The following SUGCT variants were observed in gnomAD, a reference collection of about 807,000 sequenced individuals.
SUGCT encodes succinyl-CoA:glutarate-CoA transferase.
A neutral mutation model predicts 55.0 loss-of-function variants in SUGCT; 41 were observed. The observed-to-expected ratio is 0.74, with a 90% CI of 0.58 to 0.97. SUGCT has a LOEUF of 0.97. Among genes scored for constraint, SUGCT ranks in the 50% least tolerant of loss-of-function variants. The pLI is 0.00. For synonymous variants in SUGCT, 187 were observed against 200.4 expected (o/e 0.93, Z 0.56); for missense variants, 568 against 547.8 (o/e 1.04, Z -0.37).
Position 40,859,950 on chromosome 7 carries a change from C to T in SUGCT, c.1154-366C>T, listed in dbSNP as rs1003716197. 7.9e-5 allele frequency among the ~76,000 whole-genome samples: 12 copies of T among 152,298 alleles called. No individual in the cohort carries two copies. The Middle Eastern group carries it at 0.01, about 130-fold the overall frequency. On this transcript the variant is annotated intron_variant, in intron 13 of 13. Transcript: ENST00000335693. Reference sequence around the variant, plus strand: ...GATCAAATTTCCAGCTTCAGAGAGACACTACGTTTCTGTGGTCACTGTTCT... The same window carrying T: ...GATCAAATTTCCAGCTTCAGAGAGATACTACGTTTCTGTGGTCACTGTTCT...
chr7:40,727,042 A>T (rs767440593), intron 12 of SUGCT, among the ~76,000 whole-genome samples: 8 of 152,240 alleles, frequency 5.3e-5, no homozygotes, highest in Non-Finnish European at 1.0e-4. Flanking sequence ...GGGCTGTCAA[A>T]TAATGACTAA....
At chr7:40,967,552 T>C in the SUGCT span, among the ~76,000 whole-genome samples, 2 of 152,176 alleles carry the variant, frequency 1.3e-5, no homozygotes, top group Admixed American at 1.3e-4. Context: ...AGTACTTGTA[T>C]AAATTCTGGC....
chr7:41,000,203 CACAT>C, the SUGCT span, among the ~76,000 whole-genome samples: 156 of 152,238 alleles, frequency 1.0e-3, no homozygotes, highest in African/African-American at 3.7e-3. Flanking sequence ...TATACTTACA[CACAT>C]ACACACACAC....
At chr7:40,613,508 C>T (rs541377286) in intron 12 of SUGCT, among the ~76,000 whole-genome samples, 1 of 152,216 alleles carries the variant, frequency 6.6e-6, no homozygotes, top group Non-Finnish European at 1.5e-5. Context: ...ATTAGTTTTC[C>T]TCATCAGAAT....
At chr7:40,199,947 A>G (rs1786499685) in intron 6 of SUGCT, among the ~76,000 whole-genome samples, 1 of 152,180 alleles carries the variant, frequency 6.6e-6, no homozygotes, top group Non-Finnish European at 1.5e-5. Context: ...CATACAAGGT[A>G]ATGAATAGTA....
At chr7:40,854,413 T>TTCTCTC (rs1251165508) in intron 13 of SUGCT, among the ~76,000 whole-genome samples, 5 of 78,084 alleles carry the variant, frequency 6.4e-5, no homozygotes, top group African/African-American at 2.1e-4. Flanking sequence ...CTTTCTTTCT[T>TTCTCTC]TCTTTCCTTT....
chr7:40,410,216 G>A (rs1156521990), intron 9 of SUGCT, among the ~76,000 whole-genome samples: 1 of 152,068 alleles, frequency 6.6e-6, no homozygotes, highest in Non-Finnish European at 1.5e-5. Context: ...CATGTCTTGA[G>A]CTGCTGTATT....
chr7:41,006,879 T>C, the SUGCT span, among the ~76,000 whole-genome samples: 1,106 of 152,330 alleles, frequency 7.3e-3, 5 homozygotes, highest in Non-Finnish European at 0.011. Flanking sequence ...CATTTATTGA[T>C]TGAATACCTT....
intron 3 of SUGCT, among the ~76,000 whole-genome samples, chr7:40,187,445 A>G (rs944675880): frequency 2.0e-5 from 3 of 152,190 alleles, no homozygotes; most frequent in African/African-American, 7.2e-5. Flanking sequence ...TAATAAAAAA[A>G]AAAAGAATTG....
At position 40,436,678 on chromosome 7, in the gene SUGCT, A is replaced by AAACTCTG. The variant is rs1788194413; in HGVS notation, c.817-12609_817-12608insAACTCTG. ...GGTACAGAACTGTGATTATTGTAAC[A>AAACTCTG]TGTTTGAGATACAACAAAGAGTACT... is the stretch of plus-strand genomic sequence containing the variant. On this transcript the variant is annotated intron_variant, in intron 9 of 13. Coordinates refer to ENST00000335693, the MANE Select transcript of SUGCT (RefSeq NM_001193313.2). Among the ~76,000 whole-genome samples the AAACTCTG allele has an allele frequency of 5.9e-5, 9 of 152,264 alleles. No individual in the cohort carries two copies. The South Asian group carries it at 1.2e-3, about 21-fold the overall frequency.
At chr7:40,963,578 A>G in the SUGCT span, among the ~76,000 whole-genome samples, 3 of 152,228 alleles carry the variant, frequency 2.0e-5, no homozygotes, top group Non-Finnish European at 4.4e-5. Flanking sequence ...GCTCTGTTAA[A>G]TTAAATGGAA....
At chr7:40,601,648 G>A (rs1440360938) in intron 12 of SUGCT, among the ~76,000 whole-genome samples, 1 of 152,030 alleles carries the variant, frequency 6.6e-6, no homozygotes, top group African/African-American at 2.4e-5. Context: ...AGACAAGCTT[G>A]TCCAACATGC....
rs193010884 is a variant in SUGCT at position 40,566,814 on chromosome 7, A to G, written c.1089+70428A>G. Among the ~76,000 whole-genome samples, 17 of 152,348 alleles carry G rather than the reference A, an allele frequency of 1.1e-4. No individual in the cohort carries two copies. In the East Asian group the frequency reaches 3.3e-3, roughly 29 times the overall value. Reference sequence around the variant, plus strand: ...CATGGAAAGCCTATAGCAATCTTAGATGCACATACCTATATTTATATCTAT... The same window carrying G: ...CATGGAAAGCCTATAGCAATCTTAGGTGCACATACCTATATTTATATCTAT... On this transcript the variant is annotated intron_variant, in intron 12 of 13. Coordinates refer to ENST00000335693, the MANE Select transcript of SUGCT (RefSeq NM_001193313.2).
At chr7:40,944,519 A>C in the SUGCT span, among the ~76,000 whole-genome samples, 1 of 151,970 alleles carries the variant, frequency 6.6e-6, no homozygotes, top group Non-Finnish European at 1.5e-5. Context: ...TTTTCCCAGC[A>C]CCATTTATTA....
intron 10 of SUGCT, among the ~76,000 whole-genome samples, chr7:40,451,574 T>A (rs1156779235): frequency 6.6e-6 from 1 of 152,164 alleles, no homozygotes; most frequent in South Asian, 2.1e-4. Flanking sequence ...ATCCCTGTTA[T>A]GAGCCATTAA....
chr7:40,254,385 AATTTACTTATTT>A (rs976381142), intron 7 of SUGCT, among the ~76,000 whole-genome samples: 3 of 151,512 alleles, frequency 2.0e-5, no homozygotes, highest in Non-Finnish European at 4.4e-5. Context: ...GCTTGCTAAA[AATTTACTTATTT>A]ATTTACTTAT....
At chr7:40,261,062 G>T (rs899982386) in intron 7 of SUGCT, among the ~76,000 whole-genome samples, 2 of 152,074 alleles carry the variant, frequency 1.3e-5, no homozygotes, top group African/African-American at 4.8e-5. Flanking sequence ...AATTGGAGAA[G>T]AAAAATGGCC....
chr7:40,649,858 A>G (rs1015075450), intron 12 of SUGCT, among the ~76,000 whole-genome samples: 3 of 152,202 alleles, frequency 2.0e-5, no homozygotes, highest in African/African-American at 7.2e-5. Context: ...TTCATTATTA[A>G]CCTGTAATAT....
chr7:40,906,284 G>C, the SUGCT span, among the ~76,000 whole-genome samples: 1 of 152,092 alleles, frequency 6.6e-6, no homozygotes, highest in Non-Finnish European at 1.5e-5. Flanking sequence ...CCTGTACTCT[G>C]AAACTTTCTT....
Sources: allele counts gnomAD v4.1 joint callset (sites outside exome capture counted in the v4.1 genomes callset), GRCh38; gene constraint gnomAD v4.1.1; transcripts MANE v1.5; gene names NCBI Gene and HGNC (gene_info 2026-07-23, HGNC 2026-07-21).